EML4: variants seen among roughly 807,000 people sequenced by gnomAD.
EML4 encodes the protein EMAP like 4, also known as echinoderm microtubule-associated protein-like 4.
A neutral mutation model predicts 129.0 loss-of-function variants in EML4; 72 were observed. The observed-to-expected ratio is 0.56, with a 90% confidence interval of 0.46 to 0.68. The LOEUF is 0.68. EML4 is among the 30% of genes least tolerant of loss of function. EML4 has a pLI of 0.00. For missense variants in EML4, 1,363 were observed against 1,190.6 expected (o/e 1.14, Z -2.13); for synonymous variants, 532 against 405.0 (o/e 1.31, Z -3.77).
At chr2:42,307,401 T>C (rs931448073) in intron 17 of EML4, among the ~76,000 whole-genome samples, 3 of 152,256 alleles carry the variant, frequency 2.0e-5, no homozygotes, top group South Asian at 4.1e-4. Context: ...CATTTGGGGA[T>C]TGATTAGAAT....
intron 11 of EML4, chr2:42,289,327 C>T (rs970677454): frequency 2.0e-5 from 3 of 152,164 alleles, no homozygotes; most frequent in African/African-American, 7.2e-5. Context: ...GGCGATTTCT[C>T]GATCTCCTTT....
chr2:42,314,049 T>TA (rs1221721825), intron 17 of EML4, among the ~76,000 whole-genome samples: 1 of 151,090 alleles, frequency 6.6e-6, no homozygotes, highest in African/African-American at 2.4e-5. Context: ...TAGGAGCAGG[T>TA]AAAAAATAAA....
chr2:42,281,029 C>G, intron 7 of EML4, 56 bp downstream of exon 7: 1 of 1,341,146 alleles, frequency 7.5e-7, no homozygotes, highest in Non-Finnish European at 1.0e-6. Context: ...GTTAACAAAT[C>G]AGTTAACGTA....
At chr2:42,240,044 G>C (rs962705296) in intron 1 of EML4, among the ~76,000 whole-genome samples, 2 of 152,178 alleles carry the variant, frequency 1.3e-5, no homozygotes, top group Admixed American at 1.3e-4. Context: ...ATGTCTCAGA[G>C]TCTTAGTTTA....
intron 11 of EML4, among the ~76,000 whole-genome samples, chr2:42,293,801 G>C (rs1667792483): frequency 6.6e-6 from 1 of 152,074 alleles, no homozygotes; most frequent in African/African-American, 2.4e-5. Flanking sequence ...AGTAGAGACG[G>C]GGTTTCACCA....
intron 7 of EML4, among the ~76,000 whole-genome samples, chr2:42,282,001 C>G (rs1212651384): frequency 1.3e-5 from 2 of 152,142 alleles, no homozygotes; most frequent in Non-Finnish European, 2.9e-5. Flanking sequence ...CCAAACTGTT[C>G]CTTGCTATTA....
At chr2:42,317,289 T>G in intron 18 of EML4, 138 bp from the exon 19 acceptor site, 1 of 594,782 alleles carries the variant, frequency 1.7e-6, no homozygotes, top group South Asian at 2.2e-5. Flanking sequence ...TCAAATGTAC[T>G]TAGTGGATAG....
chr2:42,245,090 C>CTTTTTTTTTTTTTTTTTTTTTTTTT (rs960416568), intron 1 of EML4, among the ~76,000 whole-genome samples: 3 of 14,514 alleles, frequency 2.1e-4, no homozygotes. Context: ...TTGAAATTTT[C>CTTTTTTTTTTTTTTTTTTTTTTTTT]TTTCTTTTTT....
chr2:42,246,340 T>C (rs1378197004), intron 2 of EML4, among the ~76,000 whole-genome samples: 1 of 152,184 alleles, frequency 6.6e-6, no homozygotes, highest in Non-Finnish European at 1.5e-5. Context: ...GAACATATCA[T>C]TTGATGTCTC....
At chr2:42,170,887 A>T (rs1670232871) in intron 1 of EML4, among the ~76,000 whole-genome samples, 1 of 152,370 alleles carries the variant, frequency 6.6e-6, no homozygotes, top group African/African-American at 2.4e-5. Flanking sequence ...GGATTTTTAA[A>T]ATCTAAAGTA....
chr2:42,328,649 C>G (rs1385477683), intron 21 of EML4, among the ~76,000 whole-genome samples: 1 of 152,064 alleles, frequency 6.6e-6, no homozygotes, highest in African/African-American at 2.4e-5. Context: ...ACCATTGAGT[C>G]TTTAAGTTTT....
chr2:42,194,143 A>C (rs1418270454), intron 1 of EML4, among the ~76,000 whole-genome samples: 1 of 152,248 alleles, frequency 6.6e-6, no homozygotes, highest in Non-Finnish European at 1.5e-5. Context: ...GATAGTCATC[A>C]TAAATTTTTA....
At chr2:42,249,372 C>T (rs1675620988) in intron 2 of EML4, among the ~76,000 whole-genome samples, 1 of 151,782 alleles carries the variant, frequency 6.6e-6, no homozygotes, top group Non-Finnish European at 1.5e-5. Flanking sequence ...TCATTATCAT[C>T]TTAAGGTGTT....
intron 9 of EML4, among the ~76,000 whole-genome samples, chr2:42,285,349 C>T (rs1020051052): frequency 2.0e-5 from 3 of 152,088 alleles, no homozygotes; most frequent in Non-Finnish European, 2.9e-5. Context: ...GACTGAGTAA[C>T]GTATGTATGA....
chr2:42,276,695 C>T lies in EML4; in HGVS notation c.668-4155C>T, dbSNP rs959072142. ...TTATTTAATCACTTATAATTCCAAA[C>T]AGTAGGTAGTATTATCACTTTATGT... On this transcript the variant is annotated intron_variant, in intron 6 of 22. Transcript: ENST00000318522. 2.0e-5 allele frequency among the ~76,000 whole-genome samples: 3 copies of T among 152,106 alleles called. No homozygotes were observed. The South Asian group carries it at 6.2e-4, about 32-fold the overall frequency.
chr2:42,315,086 C>G (rs1486300406), intron 17 of EML4, among the ~76,000 whole-genome samples: 3 of 152,056 alleles, frequency 2.0e-5, no homozygotes, highest in Non-Finnish European at 4.4e-5. Context: ...TGGCTTGCTA[C>G]TGTTCCCTCA....
At chr2:42,289,076 AGAT>A (rs1475999783) in intron 11 of EML4, 1 of 152,240 alleles carries the variant, frequency 6.6e-6, no homozygotes, top group Non-Finnish European at 1.5e-5. Context: ...TTGGGCAGAA[AGAT>A]GATGTGATGT....
intron 21 of EML4, among the ~76,000 whole-genome samples, chr2:42,328,536 C>A (rs569788150): frequency 2.6e-4 from 39 of 152,254 alleles, no homozygotes; most frequent in South Asian, 1.2e-3. Flanking sequence ...GTAACTGATT[C>A]CCTCCATCCA....
At chr2:42,192,239 T>G (rs1419093612) in intron 1 of EML4, among the ~76,000 whole-genome samples, 2 of 149,384 alleles carry the variant, frequency 1.3e-5, no homozygotes, top group African/African-American at 5.0e-5. Flanking sequence ...TTTGTTTTTT[T>G]TTTTGGGGGG....
Sources: gnomAD v4.1 joint callset for allele counts (sites outside exome capture counted in the v4.1 genomes callset) on GRCh38, gnomAD v4.1.1 for gene constraint, MANE v1.5 for transcripts, NCBI Gene and HGNC (gene_info 2026-07-23, HGNC 2026-07-21) for gene names.